The following CNTNAP2 variants were observed in gnomAD, a reference collection of about 807,000 sequenced individuals.
The protein encoded by CNTNAP2 is contactin-associated protein-like 2.
Under a neutral mutation model 155.2 loss-of-function variants are expected in CNTNAP2, and 98 were observed. That is an observed-to-expected ratio of 0.63 (90% CI 0.54 to 0.75). The LOEUF (loss-of-function observed/expected upper bound fraction) is 0.75. CNTNAP2 is among the 30% of genes least tolerant of loss of function. CNTNAP2 has a pLI of 0.00. For missense variants in CNTNAP2, 1,727 were observed against 1,688.1 expected (o/e 1.02, Z -0.40); for synonymous variants, 651 against 631.2 (o/e 1.03, Z -0.47).
intron 13 of CNTNAP2, among the ~76,000 whole-genome samples, chr7:147,856,048 A>T (rs796620915): frequency 9.2e-5 from 14 of 152,254 alleles, no homozygotes; most frequent in African/African-American, 3.1e-4. Flanking sequence ...GCTCTGCTTG[A>T]TTAGTTTGAG....
intron 14 of CNTNAP2, among the ~76,000 whole-genome samples, chr7:147,911,354 ACG>A (rs1800064050): frequency 6.6e-6 from 1 of 152,184 alleles, no homozygotes; most frequent in South Asian, 2.1e-4. Flanking sequence ...CACAGATGTT[ACG>A]GTCATTTGAT....
rs17170749 is a variant in CNTNAP2 at position 147,927,888 on chromosome 7, T to G, written c.2255+24167T>G. Among the ~76,000 whole-genome samples, 4 of 152,030 alleles carry G rather than the reference T, an allele frequency of 2.6e-5. No homozygotes were observed. In the South Asian group the frequency reaches 6.2e-4, roughly 24 times the overall value. ...TTAGAGTCCCAGGACTACCTACCGA[T>G]TATCAATTAAATATGCAGTCTTGGT... On this transcript the variant is annotated intron_variant, in intron 14 of 23. Coordinates refer to ENST00000361727, the MANE Select transcript of CNTNAP2 (RefSeq NM_014141.6).
intron 8 of CNTNAP2, among the ~76,000 whole-genome samples, chr7:147,203,261 T>G (rs1031273431): frequency 1.1e-4 from 16 of 152,312 alleles, no homozygotes; most frequent in African/African-American, 3.6e-4. Flanking sequence ...TTAATTTATT[T>G]TGGGATGGAG....
intron 3 of CNTNAP2, among the ~76,000 whole-genome samples, chr7:146,841,069 C>G (rs1803711901): frequency 6.6e-6 from 1 of 152,100 alleles, no homozygotes; most frequent in Non-Finnish European, 1.5e-5. Context: ...GCTTATCAAG[C>G]CTGAATACAC....
At position 147,985,148 on chromosome 7, in the gene CNTNAP2, A is replaced by AAATAAATAAAAG. The variant is rs148373501; in HGVS notation, c.2383+7160_2383+7161insATAAATAAAAGA. The stretch of plus-strand genomic sequence containing the variant: ...TAAATAAATAAATAAATAAATAAAT[A>AAATAAATAAAAG]ACTATTTACAAGTTCATCTCTGTTC... On this transcript the variant is annotated intron_variant, in intron 15 of 23. Coordinates refer to ENST00000361727, the MANE Select transcript of CNTNAP2 (RefSeq NM_014141.6). 9.7e-3 allele frequency among the ~76,000 whole-genome samples: 1,465 copies of AAATAAATAAAAG among 151,398 alleles called. 24 individuals carry two copies. Among genetic ancestry groups the AAATAAATAAAAG allele is most frequent in the African/African-American group, 0.032 (1,299 of 41,224 alleles).
At chr7:146,967,483 A>C (rs1057122846) in intron 3 of CNTNAP2, among the ~76,000 whole-genome samples, 62 of 152,230 alleles carry the variant, frequency 4.1e-4, no homozygotes, top group Non-Finnish European at 6.9e-4. Context: ...GTTTTATTTC[A>C]TTGAGAAGTG....
intron 1 of CNTNAP2, among the ~76,000 whole-genome samples, chr7:146,291,136 C>T (rs1050819082): frequency 2.6e-5 from 4 of 152,002 alleles, no homozygotes; most frequent in African/African-American, 4.8e-5. Flanking sequence ...AAAAACTTGA[C>T]AATAAATCCT....
chr7:147,576,750 A>C (rs1319292103), intron 12 of CNTNAP2, among the ~76,000 whole-genome samples: 1 of 152,122 alleles, frequency 6.6e-6, no homozygotes, highest in African/African-American at 2.4e-5. Flanking sequence ...ACTAACAATT[A>C]AATTTATGTA....
At chr7:147,769,659 G>A (rs896197133) in intron 13 of CNTNAP2, among the ~76,000 whole-genome samples, 3 of 152,060 alleles carry the variant, frequency 2.0e-5, no homozygotes, top group Admixed American at 2.0e-4. Context: ...AGCTGTGGAT[G>A]ACTAGTATAT....
At chr7:148,329,797 A>T (rs1487281014) in intron 21 of CNTNAP2, among the ~76,000 whole-genome samples, 1 of 152,180 alleles carries the variant, frequency 6.6e-6, no homozygotes, top group Non-Finnish European at 1.5e-5. Flanking sequence ...CTTATGCCTG[A>T]CCAACTCTGA....
At chr7:146,413,436 A>G (rs553428658) in intron 1 of CNTNAP2, among the ~76,000 whole-genome samples, 120 of 152,324 alleles carry the variant, frequency 7.9e-4, no homozygotes, top group African/African-American at 2.7e-3. Flanking sequence ...CTGAGTAAGG[A>G]AACACTATAC....
chr7:146,647,925 A>C (rs1045512655), intron 1 of CNTNAP2, among the ~76,000 whole-genome samples: 11 of 152,164 alleles, frequency 7.2e-5, no homozygotes, highest in African/African-American at 2.4e-4. Context: ...CCATGAATTT[A>C]TGGAGACTTA....
intron 3 of CNTNAP2, among the ~76,000 whole-genome samples, chr7:146,970,977 T>C (rs1486335449): frequency 2.0e-5 from 3 of 151,860 alleles, no homozygotes; most frequent in Non-Finnish European, 4.4e-5. Context: ...AACCAAACAC[T>C]GCATATTCTC....
intron 1 of CNTNAP2, among the ~76,000 whole-genome samples, chr7:146,684,517 G>A (rs953574229): frequency 5.3e-5 from 8 of 151,190 alleles, no homozygotes; most frequent in Non-Finnish European, 1.2e-4. Context: ...CAAAAATGTG[G>A]CATAACTTAT....
intron 10 of CNTNAP2, among the ~76,000 whole-genome samples, chr7:147,427,013 T>C (rs1301298245): frequency 6.6e-6 from 1 of 152,124 alleles, no homozygotes; most frequent in Non-Finnish European, 1.5e-5. Flanking sequence ...ATATTTATCA[T>C]GGTTCTGGAG....
chr7:146,742,272 G>C (rs1801731323), intron 1 of CNTNAP2, among the ~76,000 whole-genome samples: 1 of 152,052 alleles, frequency 6.6e-6, no homozygotes, highest in East Asian at 1.9e-4. Context: ...AGATGTCCAG[G>C]GTAATTTTCC....
At chr7:146,119,192 AAGT>A (rs952853511) in intron 1 of CNTNAP2, among the ~76,000 whole-genome samples, 7 of 152,098 alleles carry the variant, frequency 4.6e-5, no homozygotes, top group African/African-American at 1.7e-4. Context: ...ACAAGACAAA[AAGT>A]AGCATGAAAA....
chr7:148,069,886 C>A (rs1290095241), intron 15 of CNTNAP2, among the ~76,000 whole-genome samples: 2 of 152,084 alleles, frequency 1.3e-5, no homozygotes, highest in African/African-American at 4.8e-5. Context: ...AAAATACTTG[C>A]TCTAAAAATT....
chr7:146,755,239 T>G lies in CNTNAP2; in HGVS notation c.98-19032T>G, dbSNP rs1801974968. Among the ~76,000 whole-genome samples, 3 of 151,972 alleles carry G rather than the reference T, an allele frequency of 2.0e-5. No homozygotes were observed. The South Asian group carries it at 6.2e-4, about 31-fold the overall frequency. ...GTGTTGTCGGTTACTTTGCTGGGCA[T>G]AAAAACTCAGAGATGAATCAGACAC... On this transcript the variant is annotated intron_variant, in intron 1 of 23. Transcript: ENST00000361727.
Sources: gnomAD v4.1 joint callset for allele counts (sites outside exome capture counted in the v4.1 genomes callset) on GRCh38, gnomAD v4.1.1 for gene constraint, MANE v1.5 for transcripts, NCBI Gene and HGNC (gene_info 2026-07-23, HGNC 2026-07-21) for gene names.